The following DDX31 variants were observed in gnomAD, a reference collection of about 807,000 sequenced individuals.
The protein encoded by DDX31 is ATP-dependent DNA helicase DDX31.
Under a neutral mutation model 91.3 loss-of-function variants are expected in DDX31, and 70 were observed. The ratio of observed to expected loss-of-function variants is 0.77; its 90% CI spans 0.63 to 0.94. The LOEUF (loss-of-function observed/expected upper bound fraction) is 0.94. Ranked by LOEUF, DDX31 falls within the 40% of genes least tolerant of loss-of-function variation. DDX31 has a pLI of 0.00. For missense variants in DDX31, 902 were observed against 925.0 expected (o/e 0.98, Z 0.32); for synonymous variants, 362 against 350.6 (o/e 1.03, Z -0.36).
chr9:132,611,822 G>T lies in DDX31; in HGVS notation c.1994+265C>A, dbSNP rs547804273. 3.1e-4 allele frequency among the ~76,000 whole-genome samples: 47 copies of T among 152,102 alleles called. No homozygotes were observed. In the South Asian group the frequency reaches 4.0e-3, roughly 13 times the overall value. On this transcript the variant is annotated intron_variant, in intron 19 of 19. Coordinates refer to ENST00000372159, the MANE Select transcript of DDX31 (RefSeq NM_022779.9). ...CACCAGAATGTGTCATACACATCTC[G>T]GATGCTTTCCAGGGCGGACCGCAGC...
chr9:132,633,133 A>T (rs936329810), intron 14 of DDX31, among the ~76,000 whole-genome samples: 1 of 152,270 alleles, frequency 6.6e-6, no homozygotes, highest in African/African-American at 2.4e-5. Flanking sequence ...AAGAGAGATA[A>T]AGTATTTTGT....
At chr9:132,649,406 G>A (rs767296871) in intron 9 of DDX31, among the ~76,000 whole-genome samples, 1 of 152,176 alleles carries the variant, frequency 6.6e-6, no homozygotes, top group Non-Finnish European at 1.5e-5. Context: ...GCAATGGTTG[G>A]AGTGCCTGCA....
At chr9:132,597,469 A>G (rs1478744176) in intron 19 of DDX31, among the ~76,000 whole-genome samples, 4 of 152,248 alleles carry the variant, frequency 2.6e-5, no homozygotes, top group Non-Finnish European at 4.4e-5. Context: ...CACAATGTGT[A>G]TAATTTTAAA....
In DDX31 at chr9:132,597,255, G is replaced by A. The variant is rs528665487; in HGVS notation, c.1995-2143C>T. Among the ~76,000 whole-genome samples the A allele has an allele frequency of 2.6e-5, 4 of 152,306 alleles. No homozygotes were observed. In the South Asian group the frequency reaches 8.3e-4, roughly 32 times the overall value. On this transcript the variant is annotated intron_variant, in intron 19 of 19. Coordinates refer to ENST00000372159, the MANE Select transcript of DDX31 (RefSeq NM_022779.9). ...CGGACCATGTGCACCAGTGTCCCTG[G>A]AGGAGGTCCAAGCTGCTGGGGGCTG...
intron 19 of DDX31, among the ~76,000 whole-genome samples, chr9:132,608,478 G>A (rs992134243): frequency 6.6e-6 from 1 of 152,152 alleles, no homozygotes; most frequent in African/African-American, 2.4e-5. Context: ...CTCTCCCATC[G>A]CATGGACCAG....
intron 19 of DDX31, among the ~76,000 whole-genome samples, chr9:132,605,363 C>A (rs1830953622): frequency 6.6e-6 from 1 of 152,160 alleles, no homozygotes; most frequent in Non-Finnish European, 1.5e-5. Context: ...CAGCATGATG[C>A]ATGATATGTG....
chr9:132,666,767 C>T (rs1019819267), intron 1 of DDX31, among the ~76,000 whole-genome samples: 13 of 150,398 alleles, frequency 8.6e-5, no homozygotes, highest in Admixed American at 4.6e-4. Context: ...AGTGCAGTGG[C>T]GCAATCTCGG....
At chr9:132,597,417 A>T (rs306545) in intron 19 of DDX31, among the ~76,000 whole-genome samples, 2,439 of 152,330 alleles carry the variant, frequency 0.016, 73 homozygotes, top group African/African-American at 0.056. Context: ...AGGGTCTGAC[A>T]GGAAGGAATG....
intron 13 of DDX31, among the ~76,000 whole-genome samples, chr9:132,643,221 C>T (rs1252985354): frequency 6.6e-6 from 1 of 152,098 alleles, no homozygotes; most frequent in Non-Finnish European, 1.5e-5. Context: ...TTCCTAGAAA[C>T]AGACTCGCTG....
At chr9:132,612,395 C>A in intron 18 of DDX31, 140 bp from the exon 19 acceptor site, 3 of 882,636 alleles carry the variant, frequency 3.4e-6, no homozygotes, top group Non-Finnish European at 5.2e-6. Flanking sequence ...CATATACAAA[C>A]AACTAAAATC....
intron 14 of DDX31, among the ~76,000 whole-genome samples, chr9:132,636,125 T>C (rs1833099148): frequency 6.6e-6 from 1 of 152,188 alleles, no homozygotes; most frequent in Admixed American, 6.5e-5. Context: ...GAATGCTGGC[T>C]AGGCTGCATT....
At chr9:132,621,251 C>A (rs920778368) in intron 17 of DDX31, among the ~76,000 whole-genome samples, 9 of 152,042 alleles carry the variant, frequency 5.9e-5, no homozygotes, top group African/African-American at 1.9e-4. Context: ...AAAGCCTGCA[C>A]CTTGATATTG....
intron 5 of DDX31, 36 bp downstream of exon 5, chr9:132,659,674 G>A: frequency 6.3e-7 from 1 of 1,584,026 alleles, no homozygotes; most frequent in Non-Finnish European, 8.6e-7. Context: ...ATGGGCCTGA[G>A]CAGATGAAAA....
chr9:132,603,827 T>G (rs1451111615), intron 19 of DDX31, among the ~76,000 whole-genome samples: 1 of 152,142 alleles, frequency 6.6e-6, no homozygotes, highest in Non-Finnish European at 1.5e-5. Flanking sequence ...TGGTTCCCGC[T>G]GTCTGCAGGT....
intron 5 of DDX31, 101 bp from the exon 6 acceptor site, chr9:132,658,836 TACTAAATTC>T: frequency 9.4e-7 from 1 of 1,066,772 alleles, no homozygotes; most frequent in Non-Finnish European, 1.4e-6. Flanking sequence ...CTTCCAGTAG[TACTAAATTC>T]TAGGGAAAGG....
chr9:132,646,836 A>T lies in DDX31; in HGVS notation c.1190T>A (p.Leu397His), dbSNP rs768435814. 11 of 1,613,846 alleles carry T rather than the reference A, an allele frequency of 6.8e-6. No individual in the cohort carries two copies. In the Admixed American group the frequency reaches 1.8e-4, roughly 27 times the overall value. Residue 397 changes from leucine (L) to histidine (H), a missense_variant, in exon 12 of 20, where the codon CTT becomes CAT. By Grantham distance (99) the Leu-to-His change is moderately conservative. Transcript: ENST00000372159. ...LRLVCLAAFI[L>H]QKCKFEEDQK... is the part of the protein sequence containing the mutation. ...CCACAGTCCCACCTTGCATTTCTGA[A>T]GGATGAAGGCCGCTAGGCAGACAAG...
intron 19 of DDX31, among the ~76,000 whole-genome samples, chr9:132,602,972 C>T (rs1274443492): frequency 5.3e-5 from 8 of 152,162 alleles, no homozygotes. Context: ...GCGGACACGG[C>T]CCTTGGCTGA....
chr9:132,628,563 A>C (rs1215520626), intron 16 of DDX31, among the ~76,000 whole-genome samples: 1 of 152,170 alleles, frequency 6.6e-6, no homozygotes, highest in Non-Finnish European at 1.5e-5. Flanking sequence ...CTTCATAGCA[A>C]TCTACTTGAA....
chr9:132,626,910 G>C (rs376522094), intron 16 of DDX31, among the ~76,000 whole-genome samples: 1 of 152,126 alleles, frequency 6.6e-6, no homozygotes, highest in Non-Finnish European at 1.5e-5. Flanking sequence ...AGAGGAGGCA[G>C]AGCATGCTCT....
Sources: allele counts gnomAD v4.1 joint callset (sites outside exome capture counted in the v4.1 genomes callset), GRCh38; gene constraint gnomAD v4.1.1; transcripts MANE v1.5; gene names NCBI Gene and HGNC (gene_info 2026-07-23, HGNC 2026-07-21).